PCDHA13: variants seen among roughly 807,000 people sequenced by gnomAD.
The protein encoded by PCDHA13 is protocadherin alpha 13.
In PCDHA13, 54 loss-of-function variants were observed where a neutral mutation model predicts 64.8. The observed-to-expected ratio is 0.83, with a 90% CI of 0.67 to 1.04. The LOEUF (loss-of-function observed/expected upper bound fraction) is 1.04. PCDHA13 is among the 50% of genes least tolerant of loss of function. The probability of loss-of-function intolerance (pLI) is 0.00; values close to 1 mark genes in which losing one functional copy is unlikely to be tolerated. For synonymous variants in PCDHA13, 587 were observed against 564.4 expected, an observed-to-expected ratio of 1.04 and a Z score of -0.57; for missense variants, 1,248 against 1,254.3, an observed-to-expected ratio of 0.99 and a Z score of 0.08.
At position 140,944,959 on chromosome 5, in the gene PCDHA13, A is replaced by C. The variant is rs183198577; in HGVS notation, c.2395-33990A>C. Among the ~76,000 whole-genome samples, 72 of 152,254 alleles carry C rather than the reference A, an allele frequency of 4.7e-4. No individual in the cohort carries two copies. The East Asian group carries it at 0.012, about 25-fold the overall frequency. ...TTAGATGATTGTGAATAAGAGTATT[A>C]TCTTAACCTCTCTGGTGGGTCTACT... On this transcript the variant is annotated intron_variant, in intron 1 of 3. Coordinates refer to ENST00000289272, the MANE Select transcript of PCDHA13 (RefSeq NM_018904.3).
At chr5:140,943,136 T>A (rs1554215378) in intron 1 of PCDHA13, among the ~76,000 whole-genome samples, 1 of 151,240 alleles carries the variant, frequency 6.6e-6, no homozygotes, top group Non-Finnish European at 1.5e-5. Flanking sequence ...TGGGTGCCTG[T>A]AGTCCCAGCT....
At chr5:140,940,705 C>T (rs2092669255) in intron 1 of PCDHA13, among the ~76,000 whole-genome samples, 1 of 152,170 alleles carries the variant, frequency 6.6e-6, no homozygotes, top group Non-Finnish European at 1.5e-5. Context: ...AAGTGTATAC[C>T]TGCTGTGTGC....
At chr5:140,956,717 A>C (rs2153710827) in intron 1 of PCDHA13, among the ~76,000 whole-genome samples, 1 of 152,308 alleles carries the variant, frequency 6.6e-6, no homozygotes. Flanking sequence ...CTTCAGAAGA[A>C]TTGGTACCAG....
rs140356413 is a variant in PCDHA13, at chr5:140,945,687, T to C, written c.2395-33262T>C. On this transcript the variant is annotated intron_variant, in intron 1 of 3. Transcript: ENST00000289272. ...CCCAGAAATAAATCCACACAGTTAC[T>C]GTCCACTGATTTGCAACAAAAGTAT... 6.6e-3 allele frequency among the ~76,000 whole-genome samples: 1,005 copies of C among 152,204 alleles called. 10 individuals carry two copies. The highest frequency in any genetic ancestry group is 0.023 in the African/African-American group (952 of 41,538).
chr5:140,950,015 T>C (rs2094440217), intron 1 of PCDHA13, among the ~76,000 whole-genome samples: 1 of 151,906 alleles, frequency 6.6e-6, no homozygotes, highest in Admixed American at 6.6e-5. Context: ...TGTACAACCT[T>C]CATAAAATAT....
intron 3 of PCDHA13, among the ~76,000 whole-genome samples, chr5:141,003,371 G>A (rs782012251): frequency 2.0e-5 from 3 of 152,148 alleles, no homozygotes; most frequent in African/African-American, 7.2e-5. Flanking sequence ...GAGTGCAGTG[G>A]TGCAATCTCA....
intron 1 of PCDHA13, among the ~76,000 whole-genome samples, chr5:140,905,211 G>A (rs1554191947): frequency 6.6e-6 from 1 of 152,130 alleles, no homozygotes; most frequent in Non-Finnish European, 1.5e-5. Flanking sequence ...GTTGATTTTT[G>A]TGTAAGGTGA....
chr5:140,909,437 C>T (rs2074495257), intron 1 of PCDHA13, among the ~76,000 whole-genome samples: 1 of 152,198 alleles, frequency 6.6e-6, no homozygotes, highest in African/African-American at 2.4e-5. Flanking sequence ...TGATAATCCA[C>T]TGTCATTCTC....
At chr5:140,967,060 G>A in intron 1 of PCDHA13, 1 of 1,612,802 alleles carries the variant, frequency 6.2e-7, no homozygotes, top group Non-Finnish European at 8.5e-7. Flanking sequence ...CGAGTGGAGC[G>A]CTCTTCGTCA....
intron 1 of PCDHA13, among the ~76,000 whole-genome samples, chr5:140,970,887 G>A (rs2096441583): frequency 6.6e-6 from 1 of 152,118 alleles, no homozygotes; most frequent in Non-Finnish European, 1.5e-5. Context: ...TTTTCTCATG[G>A]ACATTTCAGA....
At position 140,883,642 on chromosome 5, in the gene PCDHA13, C is replaced by G. The variant is rs200197885; in HGVS notation, c.1374C>G (p.Pro458=). 3.4e-5 allele frequency: 55 copies of G among 1,613,904 alleles called. No homozygotes were observed. Among genetic ancestry groups the G allele is most frequent in the East Asian group, 2.0e-4 (9 of 44,864 alleles). ...ACAACGCGCCGGCGTTCGCGCAGCC[C>G]GAGTACACGGTGTTCGTGAAGGAAA... ...VNDNAPAFAQ[P]EYTVFVKENN... is the part of the protein sequence containing the mutation. Residue 458 remains proline (P), a synonymous_variant, in exon 1 of 4, where the codon CCC becomes CCG. Coordinates refer to ENST00000289272, the MANE Select transcript of PCDHA13 (RefSeq NM_018904.3).
intron 1 of PCDHA13, among the ~76,000 whole-genome samples, chr5:140,959,554 A>G (rs1375729843): frequency 6.6e-6 from 1 of 152,210 alleles, no homozygotes; most frequent in Non-Finnish European, 1.5e-5. Context: ...TATAAATAGA[A>G]TCAGTACTAG....
chr5:140,939,481 A>G (rs1554212745), intron 1 of PCDHA13, among the ~76,000 whole-genome samples: 2 of 152,206 alleles, frequency 1.3e-5, no homozygotes, highest in Non-Finnish European at 2.9e-5. Flanking sequence ...CTTCATGAGA[A>G]TGTTAATTAT....
intron 1 of PCDHA13, among the ~76,000 whole-genome samples, chr5:140,945,084 G>A (rs2093736806): frequency 6.6e-6 from 1 of 151,822 alleles, no homozygotes; most frequent in Admixed American, 6.6e-5. Context: ...AACACTCTTG[G>A]AACTAATAAA....
chr5:140,947,778 G>A (rs2094175732), intron 1 of PCDHA13, among the ~76,000 whole-genome samples: 2 of 151,456 alleles, frequency 1.3e-5, no homozygotes, highest in South Asian at 4.1e-4. Context: ...TATTGTAAAT[G>A]GATTTTAAAC....
In PCDHA13 at chr5:140,915,928, T is replaced by C. The variant is rs141949892; in HGVS notation, c.2394+31266T>C. ...CAGGCCCAGAGATGCTACTTGGGAG[T>C]CAGGGATTGGAGTCAAAATACTTAG... On this transcript the variant is annotated intron_variant, in intron 1 of 3. Coordinates refer to ENST00000289272, the MANE Select transcript of PCDHA13 (RefSeq NM_018904.3). Among the ~76,000 whole-genome samples the C allele has an allele frequency of 8.0e-3, 1,213 of 151,944 alleles. 5 individuals carry two copies. The highest frequency in any genetic ancestry group is 0.019 in the African/African-American group (783 of 41,424).
intron 3 of PCDHA13, among the ~76,000 whole-genome samples, chr5:141,002,328 C>T (rs1421788305): frequency 3.3e-5 from 5 of 152,250 alleles, no homozygotes; most frequent in Admixed American, 6.5e-5. Flanking sequence ...GGCCGGGCTG[C>T]ATCCGCACCC....
intron 3 of PCDHA13, among the ~76,000 whole-genome samples, chr5:140,992,954 C>G (rs1174073844): frequency 6.6e-6 from 1 of 152,190 alleles, no homozygotes; most frequent in Non-Finnish European, 1.5e-5. Context: ...TTAAATCACC[C>G]CTTATACTGC....
intron 1 of PCDHA13, among the ~76,000 whole-genome samples, chr5:140,931,201 A>G (rs1444701917): frequency 2.6e-5 from 4 of 152,176 alleles, no homozygotes; most frequent in Admixed American, 2.6e-4. Context: ...CTACAATGCT[A>G]GTATTTCAGG....
Sources: gnomAD v4.1 joint callset for allele counts (sites outside exome capture counted in the v4.1 genomes callset) on GRCh38, gnomAD v4.1.1 for gene constraint, MANE v1.5 for transcripts, NCBI Gene and HGNC (gene_info 2026-07-23, HGNC 2026-07-21) for gene names.